The following RADIL variants were observed in gnomAD, a reference collection of about 807,000 sequenced individuals.
RADIL encodes the protein Rap associating with DIL domain.
In RADIL, 99 loss-of-function variants were observed where a neutral mutation model predicts 97.6. The ratio of observed to expected loss-of-function variants is 1.01; its 90% CI spans 0.86 to 1.20. RADIL has a LOEUF of 1.20. Ranked by LOEUF, RADIL falls within the 50% of genes most tolerant of loss-of-function variation. The probability of loss-of-function intolerance (pLI) is 0.00; values close to 1 mark genes in which losing one functional copy is unlikely to be tolerated. For synonymous variants in RADIL, 803 were observed against 691.8 expected (o/e 1.16, Z -2.52); for missense variants, 1,765 against 1,498.9 (o/e 1.18, Z -2.93).
intron 2 of RADIL, among the ~76,000 whole-genome samples, chr7:4,847,681 G>A (rs1341075301): frequency 8.5e-6 from 1 of 118,026 alleles, no homozygotes; most frequent in Non-Finnish European, 1.6e-5. Context: ...AAATACTGAT[G>A]ATACCTCTTA....
rs543160917 is a variant in RADIL at position 4,880,743 on chromosome 7, G to A, written c.-64-2540C>T. Among the ~76,000 whole-genome samples the A allele has an allele frequency of 3.3e-5, 5 of 152,324 alleles. No individual in the cohort carries two copies. Among genetic ancestry groups the A allele is most frequent in the East Asian group, 1.9e-4 (1 of 5,180 alleles). ...TGTGGCTCAGGAAACCTCTGCCTCC[G>A]GAGATGAAGTCTGAATGCTGATATA... On this transcript the variant is annotated intron_variant, in intron 1 of 14. Transcript: ENST00000399583. The surrounding 1 kb of genome is among the most constrained non-coding windows in gnomAD (Gnocchi z 4.5).
chr7:4,869,825 C>G (rs1356343515), intron 2 of RADIL, among the ~76,000 whole-genome samples: 1 of 152,144 alleles, frequency 6.6e-6, no homozygotes, highest in East Asian at 1.9e-4. Flanking sequence ...GAGAATCTGA[C>G]TCTTTCGCAA....
Position 4,873,337 on chromosome 7 carries a change from ACATG to A in RADIL, c.535+4264_535+4267del, listed in dbSNP as rs1420256581. Among the ~76,000 whole-genome samples, 1 of 152,242 alleles carries A rather than the reference ACATG, an allele frequency of 6.6e-6. No individual in the cohort carries two copies. Among genetic ancestry groups the A allele is most frequent in the African/African-American group, 2.4e-5 (1 of 41,464 alleles). ...CGTTAACACAAACGTACATGGTCAC[ACATG>A]CATGCACACACATGCACACCACACA... On this transcript the variant is annotated intron_variant, in intron 2 of 14. Transcript: ENST00000399583. The surrounding 1 kb of genome is among the most constrained non-coding windows in gnomAD (Gnocchi z 4.3).
rs373037641 is a variant in RADIL, at chr7:4,873,881, C to T, written c.535+3724G>A. 2.0e-5 allele frequency among the ~76,000 whole-genome samples: 3 copies of T among 152,258 alleles called. No homozygotes were observed. In the East Asian group the frequency reaches 5.8e-4, roughly 29 times the overall value. Reference sequence around the variant, plus strand: ...TCTTCCACGTCACTCCAACCTGAGGCAGGCTGGCGCCCACGGCTGCTGGAG... The same window carrying T: ...TCTTCCACGTCACTCCAACCTGAGGTAGGCTGGCGCCCACGGCTGCTGGAG... On this transcript the variant is annotated intron_variant, in intron 2 of 14. Coordinates refer to ENST00000399583, the MANE Select transcript of RADIL (RefSeq NM_018059.5). The surrounding 1 kb of genome is among the most constrained non-coding windows in gnomAD (Gnocchi z 4.3).
At position 4,867,556 on chromosome 7, in the gene RADIL, G is replaced by A. The variant is rs540437750; in HGVS notation, c.535+10049C>T. Among the ~76,000 whole-genome samples, 1 of 152,064 alleles carries A rather than the reference G, an allele frequency of 6.6e-6. No homozygotes were observed. The highest frequency in any genetic ancestry group is 1.9e-4 in the East Asian group (1 of 5,192). On this transcript the variant is annotated intron_variant, in intron 2 of 14. Transcript: ENST00000399583. This position sits in a 1 kb window ranked among gnomAD's most constrained non-coding sequence, Gnocchi z 4.1. ...AGCACTTTGGGAGGCTGAGGTGGGA[G>A]GATCACTTGAGCCCAGGAGTTTGAG...
At chr7:4,811,709 G>C (rs953194839) in intron 9 of RADIL, among the ~76,000 whole-genome samples, 3 of 151,608 alleles carry the variant, frequency 2.0e-5, no homozygotes, top group Admixed American at 6.6e-5. Flanking sequence ...GGATGGTCTC[G>C]ATCTCCTGAC....
In RADIL at chr7:4,817,491, G is replaced by C; in HGVS notation, c.1616-140C>G. ...GGGGTCCAGATGCGATAAACTGGCC[G>C]AGGGACTCTGGGCCCTGGCTGGGAC... On this transcript the variant is annotated intron_variant, in intron 6 of 14. Coordinates refer to ENST00000399583, the MANE Select transcript of RADIL (RefSeq NM_018059.5). The surrounding 1 kb of genome is among the most constrained non-coding windows in gnomAD (Gnocchi z 8.3). 1 of 670,296 alleles carries C rather than the reference G, an allele frequency of 1.5e-6. No homozygotes were observed. The highest frequency in any genetic ancestry group is 2.9e-5 in the East Asian group (1 of 34,860). The allele number at this position is 670,296 out of a possible 1,614,324, so 41.5% of individuals were successfully genotyped here.
In RADIL at chr7:4,877,648, G is replaced by A. The variant is rs192745293; in HGVS notation, c.492C>T (p.Asp164=). ...SRRFELRKRS[D]VEELAAKEVD... is the part of the protein sequence containing the mutation. ...CCTCCTTGGCTGCCAGCTCCTCCAC[G>A]TCCGACCTCTTCCTCAGCTCAAACC... Residue 164 remains aspartate, a synonymous_variant, in exon 2 of 15, where the codon GAC becomes GAT. Coordinates refer to ENST00000399583, the MANE Select transcript of RADIL (RefSeq NM_018059.5). The A allele has an allele frequency of 1.3e-4, 202 of 1,612,474 alleles. No individual in the cohort carries two copies. The highest frequency in any genetic ancestry group is 2.5e-4 in the Admixed American group (15 of 59,844).
chr7:4,799,735 T>C lies in RADIL; in HGVS notation c.3017A>G (p.Gln1006Arg). 1 of 1,559,110 alleles carries C rather than the reference T, an allele frequency of 6.4e-7. No homozygotes were observed. The highest frequency in any genetic ancestry group is 8.6e-7 in the Non-Finnish European group (1 of 1,156,092). The change falls in exon 14 of 15, where the codon CAG (glutamine) becomes CGG (arginine). Residue 1006 changes from glutamine to arginine, a missense_variant. Gln to Arg is a conservative substitution (Grantham distance 43, BLOSUM62 1). Transcript: ENST00000399583. ...TGCGGGGCTGCCCGGGAGCAGGGTC[T>C]GGATGTAGAGCCCGGGGGCGCCCAG... is the stretch of plus-strand genomic sequence containing the variant. The part of the protein sequence containing the change: ...THLGAPGLYI[Q>R]TLLPGSPAAA...
chr7:4,817,403 C>T lies in RADIL; in HGVS notation c.1616-52G>A, dbSNP rs779888824. The T allele has an allele frequency of 3.5e-5, 53 of 1,508,618 alleles. No homozygotes were observed. The African/African-American group carries it at 3.9e-4, about 11-fold the overall frequency. 93.5% of individuals were successfully genotyped at this position (1,508,618 alleles called of 1,614,324 possible). A position where few individuals can be genotyped will look rare whatever the true frequency, so the allele number is the denominator to read the frequency against. ...TCACAACGGGCACAGCGCTCAGGAA[C>T]GCAGCAACTCAGCCAGCCGCCAGCT... On this transcript the variant is annotated intron_variant, in intron 6 of 14. Transcript: ENST00000399583. This position sits in a 1 kb window ranked among gnomAD's most constrained non-coding sequence, Gnocchi z 8.3.
chr7:4,817,369 C>A lies in RADIL; in HGVS notation c.1616-18G>T, dbSNP rs375995599. Reference sequence around the variant, plus strand: ...CTTCGAGCCTGCCGGGAGACAGCCACGCCAATGGTCACAACGGGCACAGCG... The same window carrying A: ...CTTCGAGCCTGCCGGGAGACAGCCAAGCCAATGGTCACAACGGGCACAGCG... On this transcript the variant is annotated intron_variant, in intron 6 of 14. Transcript: ENST00000399583. This position sits in a 1 kb window ranked among gnomAD's most constrained non-coding sequence, Gnocchi z 8.3. The A allele has an allele frequency of 8.1e-6, 13 of 1,604,898 alleles. No homozygotes were observed. In the African/African-American group the frequency reaches 1.2e-4, roughly 15 times the overall value.
intron 2 of RADIL, among the ~76,000 whole-genome samples, chr7:4,866,646 C>T (rs1479002123): frequency 6.6e-6 from 1 of 152,138 alleles, no homozygotes; most frequent in Non-Finnish European, 1.5e-5. Flanking sequence ...CTATAACACT[C>T]CACTCCACTG....
chr7:4,815,486 G>A lies in RADIL; in HGVS notation c.1967-36C>T, dbSNP rs1002425582. On this transcript the variant is annotated intron_variant, in intron 8 of 14. Transcript: ENST00000399583. This position sits in a 1 kb window ranked among gnomAD's most constrained non-coding sequence, Gnocchi z 8.0. ...AAGAAGGGAGGGTGATGCCTGGGCT[G>A]CCCTCCTGGGGGGACACAGACATGG... is the stretch of plus-strand genomic sequence containing the variant. The A allele has an allele frequency of 1.2e-5, 17 of 1,462,310 alleles. No individual in the cohort carries two copies. The East Asian group carries it at 3.9e-4, about 34-fold the overall frequency. The allele number at this position is 1,462,310 out of a possible 1,614,324, so 90.6% of individuals were successfully genotyped here.
intron 2 of RADIL, among the ~76,000 whole-genome samples, chr7:4,855,936 C>T (rs992877251): frequency 6.6e-6 from 1 of 151,882 alleles, no homozygotes; most frequent in East Asian, 1.9e-4. Context: ...GCTAGGATTA[C>T]AGGTGCGCAT....
At chr7:4,881,447 C>G (rs1469786065) in intron 1 of RADIL, among the ~76,000 whole-genome samples, 1 of 138,582 alleles carries the variant, frequency 7.2e-6, no homozygotes, top group East Asian at 2.2e-4. Context: ...CAAAAATTGG[C>G]TGGGCATGGT....
Position 4,802,679 on chromosome 7 carries a change from G to A in RADIL, c.2500-684C>T, listed in dbSNP as rs1303153636. Among the ~76,000 whole-genome samples, 278 of 99,216 alleles carry A rather than the reference G, an allele frequency of 2.8e-3. 1 individual carries two copies. The highest frequency in any genetic ancestry group is 0.011 in the African/African-American group (258 of 23,968). The allele number at this position is 99,216 out of a possible 152,430, so 65.1% of individuals were successfully genotyped here. On this transcript the variant is annotated intron_variant, in intron 11 of 14. Transcript: ENST00000399583. Reference sequence around the variant, plus strand: ...ACTCTGGCTGGGGGGCCCCCTCCCCGGGTACCTCGGGGCACGCTGGCTGGG... The same window carrying A: ...ACTCTGGCTGGGGGGCCCCCTCCCCAGGTACCTCGGGGCACGCTGGCTGGG...
At chr7:4,833,528 C>T (rs1051243872) in intron 4 of RADIL, among the ~76,000 whole-genome samples, 15 of 152,190 alleles carry the variant, frequency 9.9e-5, no homozygotes, top group African/African-American at 2.7e-4. Flanking sequence ...ACAACACCCA[C>T]GGTGCACAGA....
At chr7:4,800,798 T>G (rs74655686) in intron 12 of RADIL, among the ~76,000 whole-genome samples, 2,475 of 152,218 alleles carry the variant, frequency 0.016, 34 homozygotes, top group Middle Eastern at 0.045. Context: ...CTGCCGTGGG[T>G]GCACTTAGGT....
At chr7:4,804,183 G>A (rs1485047162) in intron 10 of RADIL, 6 of 276,842 alleles carry the variant, frequency 2.2e-5, no homozygotes, top group Non-Finnish European at 3.7e-5. Context: ...AACGGCCTGT[G>A]TGCGGGCTGC....
Sources: allele counts gnomAD v4.1 joint callset (sites outside exome capture counted in the v4.1 genomes callset), GRCh38; gene constraint gnomAD v4.1.1; non-coding constraint Gnocchi (gnomAD v3.1); transcripts MANE v1.5; gene names NCBI Gene and HGNC (gene_info 2026-07-23, HGNC 2026-07-21).